CLASP1: variants seen among roughly 807,000 people sequenced by gnomAD.
The protein encoded by CLASP1 is cytoplasmic linker associated protein 1.
In CLASP1, 38 loss-of-function variants were observed where a neutral mutation model predicts 192.3. That is an observed-to-expected ratio of 0.20 (90% CI 0.15 to 0.26). The LOEUF is 0.26. CLASP1 is among the 10% of genes least tolerant of loss of function. The pLI is 1.00. For synonymous variants in CLASP1, 691 were observed against 712.8 expected (o/e 0.97, Z 0.49); for missense variants, 1,433 against 1,932.5 (o/e 0.74, Z 4.85).
At chr2:121,499,456 GT>G (rs2093657879) in intron 8 of CLASP1, among the ~76,000 whole-genome samples, 1 of 151,392 alleles carries the variant, frequency 6.6e-6, no homozygotes, top group Non-Finnish European at 1.5e-5. Context: ...GGACGTGAGG[GT>G]GATGAAGTAT....
At chr2:121,427,265 T>C in intron 21 of CLASP1, 139 bp downstream of exon 21, 2 of 1,084,218 alleles carry the variant, frequency 1.8e-6, no homozygotes, top group South Asian at 3.5e-5. Context: ...AACTCTAGAA[T>C]TTGAACACAA....
chr2:121,434,754 C>A (rs13404768), intron 19 of CLASP1, among the ~76,000 whole-genome samples: 1 of 152,092 alleles, frequency 6.6e-6, no homozygotes, highest in African/African-American at 2.4e-5. Context: ...CTTTGGGAGG[C>A]TGAGGCAGGT....
chr2:121,448,315 A>G, exon 18 of CLASP1: 2 of 1,611,830 alleles, frequency 1.2e-6, no homozygotes, highest in Non-Finnish European at 1.7e-6. Context: ...CTTTTGGCAG[A>G]CAGCGGACGA....
At chr2:121,632,087 T>C (rs1467073746) in intron 1 of CLASP1, among the ~76,000 whole-genome samples, 4 of 151,772 alleles carry the variant, frequency 2.6e-5, no homozygotes, top group Non-Finnish European at 4.4e-5. Context: ...ATAAAATAAA[T>C]ACAAAAATCA....
intron 19 of CLASP1, 102 bp downstream of exon 19, chr2:121,447,235 A>G (rs1014624699): frequency 9.2e-7 from 1 of 1,087,046 alleles, no homozygotes. Flanking sequence ...GCCCCACAAC[A>G]GTGAGACTTG....
intron 7 of CLASP1, among the ~76,000 whole-genome samples, chr2:121,513,435 T>A (rs1399504612): frequency 6.6e-6 from 1 of 152,010 alleles, no homozygotes; most frequent in African/African-American, 2.4e-5. Context: ...TTATTTTATT[T>A]TTTTTTTTTA....
At chr2:121,382,357 G>C in intron 32 of CLASP1, 33 bp from the exon 34 acceptor site, 3 of 1,402,318 alleles carry the variant, frequency 2.1e-6, no homozygotes, top group Non-Finnish European at 2.9e-6. Context: ...ATCAGAGAGA[G>C]AAATACAAAA....
intron 2 of CLASP1, among the ~76,000 whole-genome samples, chr2:121,585,764 G>A (rs759675029): frequency 4.8e-4 from 73 of 152,188 alleles, no homozygotes; most frequent in Non-Finnish European, 7.9e-4. Context: ...GGGCACGGTC[G>A]TGCGTACCTG....
chr2:121,601,092 T>C (rs1349250067), intron 2 of CLASP1, among the ~76,000 whole-genome samples: 1 of 152,174 alleles, frequency 6.6e-6, no homozygotes, highest in Non-Finnish European at 1.5e-5. Context: ...CTAGATTTCC[T>C]TGGAGAACTT....
intron 2 of CLASP1, among the ~76,000 whole-genome samples, chr2:121,584,820 T>C (rs914150747): frequency 2.0e-5 from 3 of 152,326 alleles, no homozygotes; most frequent in Non-Finnish European, 2.9e-5. Context: ...TATCCCTCTG[T>C]GGCCTCTCTA....
At chr2:121,510,488 T>C (rs2094098190) in intron 7 of CLASP1, among the ~76,000 whole-genome samples, 1 of 151,924 alleles carries the variant, frequency 6.6e-6, no homozygotes, top group African/African-American at 2.4e-5. Flanking sequence ...CAAAACTGAT[T>C]TGAAAAGAAA....
At chr2:121,341,324 TGAGAACCCCGC>T in intron 39 of CLASP1, among the ~76,000 whole-genome samples, 1 of 152,098 alleles carries the variant, frequency 6.6e-6, no homozygotes, top group Non-Finnish European at 1.5e-5. Flanking sequence ...AAAAGCAGGG[TGAGAACCCCGC>T]TCCACAGGGG....
rs753137003 is a variant in CLASP1 at position 121,450,953 on chromosome 2, T to C, written c.1483A>G (p.Ile495Val). The change falls in exon 16 of 40, where the codon ATA becomes GTA. Residue 495 changes from isoleucine to valine, a missense_variant. By Grantham distance (29) the Ile-to-Val change is conservative (BLOSUM62 3). Transcript: ENST00000263710. ...CTTGCTTCGGAATCAGCATCATGTA[T>C]TCCCTTCTTTATTGTTTCAGCTAAT... 5 of 1,611,366 alleles carry C rather than the reference T, an allele frequency of 3.1e-6. No homozygotes were observed. The South Asian group carries it at 4.4e-5, about 14-fold the overall frequency.
chr2:121,600,314 AT>A (rs1274637638), intron 2 of CLASP1, among the ~76,000 whole-genome samples: 1 of 152,226 alleles, frequency 6.6e-6, no homozygotes, highest in Admixed American at 6.5e-5. Context: ...AACCACCTCT[AT>A]TAAGTAATAT....
intron 19 of CLASP1, among the ~76,000 whole-genome samples, chr2:121,437,390 C>T (rs1024671006): frequency 6.6e-6 from 1 of 152,138 alleles, no homozygotes; most frequent in South Asian, 2.1e-4. Flanking sequence ...ATTTCTTTAA[C>T]TGTTAAGACA....
intron 2 of CLASP1, among the ~76,000 whole-genome samples, chr2:121,602,837 C>T (rs1168482875): frequency 2.6e-5 from 4 of 152,058 alleles, no homozygotes; most frequent in South Asian, 4.2e-4. Context: ...AAATGTAAGA[C>T]CCAAAACAAT....
intron 2 of CLASP1, among the ~76,000 whole-genome samples, chr2:121,536,262 T>C (rs565411246): frequency 1.5e-4 from 22 of 149,996 alleles, no homozygotes; most frequent in African/African-American, 4.4e-4. Flanking sequence ...GCACCTGTAG[T>C]CCCAGCTACT....
chr2:121,401,955 G>A (rs1392753768), intron 26 of CLASP1, 85 bp from the exon 28 acceptor site: 9 of 545,634 alleles, frequency 1.6e-5, no homozygotes, highest in Middle Eastern at 5.8e-4. Context: ...ATTTTCATGC[G>A]TTTTTTTAAG....
At chr2:121,572,708 C>T (rs530086311) in intron 2 of CLASP1, among the ~76,000 whole-genome samples, 19 of 151,988 alleles carry the variant, frequency 1.3e-4, no homozygotes, top group Non-Finnish European at 2.1e-4. Context: ...CTAGCCTGGG[C>T]AACATGGTGA....
Sources: gnomAD v4.1 joint callset for allele counts (sites outside exome capture counted in the v4.1 genomes callset) on GRCh38, gnomAD v4.1.1 for gene constraint, MANE v1.5 for transcripts, NCBI Gene and HGNC (gene_info 2026-07-23, HGNC 2026-07-21) for gene names.